The following IGSF11 variants were observed in gnomAD, a reference collection of about 807,000 sequenced individuals.
IGSF11 encodes CXADR like 1.
In IGSF11, 22 loss-of-function variants were observed where a neutral mutation model predicts 41.0. The observed-to-expected ratio is 0.54, with a 90% CI of 0.38 to 0.77. The LOEUF is 0.77. IGSF11 is among the 30% of genes least tolerant of loss of function. The pLI is 0.00. For missense variants in IGSF11, 444 were observed against 530.8 expected (o/e 0.84, Z 1.61); for synonymous variants, 219 against 201.3 (o/e 1.09, Z -0.74).
At chr3:119,056,763 G>T (rs1208387282) in intron 1 of IGSF11, among the ~76,000 whole-genome samples, 2 of 152,120 alleles carry the variant, frequency 1.3e-5, no homozygotes, top group African/African-American at 4.8e-5. Context: ...ACATCAAAAA[G>T]CTTATCCACC....
intron 1 of IGSF11, among the ~76,000 whole-genome samples, chr3:119,141,991 T>C (rs2077653340): frequency 6.6e-6 from 1 of 152,018 alleles, no homozygotes; most frequent in Non-Finnish European, 1.5e-5. Flanking sequence ...TCAAAAAGTT[T>C]CTGGCCGGGC....
At chr3:119,084,843 C>T (rs993370626) in intron 1 of IGSF11, among the ~76,000 whole-genome samples, 19 of 152,186 alleles carry the variant, frequency 1.2e-4, no homozygotes, top group African/African-American at 2.4e-5. Flanking sequence ...TCCTGGTGTT[C>T]CAGGGTTGTG....
chr3:119,044,738 C>A (rs1166465613), intron 1 of IGSF11, among the ~76,000 whole-genome samples: 1 of 152,122 alleles, frequency 6.6e-6, no homozygotes, highest in East Asian at 1.9e-4. Flanking sequence ...TCCTGCAAGC[C>A]AAAAGGATCT....
In IGSF11 at chr3:118,971,665, G is replaced by A. The variant is rs542629568; in HGVS notation, c.53-41390C>T. Among the ~76,000 whole-genome samples the A allele has an allele frequency of 4.6e-5, 7 of 152,108 alleles. 1 individual carries two copies. In the South Asian group the frequency reaches 6.2e-4, roughly 14 times the overall value. On this transcript the variant is annotated intron_variant, in intron 1 of 6. Transcript: ENST00000393775. ...TAAAAATACAAAAAATTAGCCAGGC[G>A]TGGTGGCAGGCACCTGTAATCCCTG... is the stretch of plus-strand genomic sequence containing the variant.
chr3:119,032,508 C>T (rs552774398), intron 1 of IGSF11, among the ~76,000 whole-genome samples: 2 of 152,172 alleles, frequency 1.3e-5, no homozygotes, highest in Non-Finnish European at 2.9e-5. Context: ...ATTCAAGATT[C>T]TCTACTATCT....
intron 1 of IGSF11, among the ~76,000 whole-genome samples, chr3:119,120,638 G>T (rs544576597): frequency 6.6e-6 from 1 of 152,190 alleles, no homozygotes; most frequent in Non-Finnish European, 1.5e-5. Context: ...CCCGTGAAAA[G>T]ATTGGCCTCC....
At chr3:118,965,098 CAG>C (rs1274408788) in intron 1 of IGSF11, among the ~76,000 whole-genome samples, 2 of 152,196 alleles carry the variant, frequency 1.3e-5, no homozygotes, top group East Asian at 3.9e-4. Context: ...TTTCTGGACA[CAG>C]AATCATTTAA....
At chr3:118,904,534 T>C in intron 6 of IGSF11, 114 bp downstream of exon 6, 1 of 772,060 alleles carries the variant, frequency 1.3e-6, no homozygotes, top group Non-Finnish European at 2.2e-6. Flanking sequence ...TTAGCCACTT[T>C]AATAGTCTCG....
At chr3:119,048,765 C>T (rs892568747) in intron 1 of IGSF11, among the ~76,000 whole-genome samples, 25 of 151,954 alleles carry the variant, frequency 1.6e-4, no homozygotes, top group African/African-American at 2.7e-4. Context: ...ACTGGCAAAC[C>T]GAATCCAGCA....
chr3:118,916,040 A>G (rs1254403624), intron 4 of IGSF11, among the ~76,000 whole-genome samples: 195 of 148,772 alleles, frequency 1.3e-3, no homozygotes, highest in African/African-American at 3.7e-3. Flanking sequence ...AAAATACTTT[A>G]CAGACAAGCA....
chr3:119,050,002 G>T (rs1941547038), intron 1 of IGSF11, among the ~76,000 whole-genome samples: 1 of 146,550 alleles, frequency 6.8e-6, no homozygotes, highest in African/African-American at 2.6e-5. Flanking sequence ...ATCAATTCAA[G>T]ATGGATTAAA....
At chr3:119,069,862 A>G (rs1576759959) in intron 1 of IGSF11, among the ~76,000 whole-genome samples, 2 of 152,218 alleles carry the variant, frequency 1.3e-5, no homozygotes, top group South Asian at 4.1e-4. Flanking sequence ...TCATGGCAAT[A>G]AAAACTGAGA....
chr3:119,143,066 T>C (rs2077671579), intron 1 of IGSF11, among the ~76,000 whole-genome samples: 1 of 152,150 alleles, frequency 6.6e-6, no homozygotes, highest in Non-Finnish European at 1.5e-5. Context: ...TCATCTATAG[T>C]AGGCCTGCCA....
At chr3:119,130,860 T>C (rs751996612) in intron 1 of IGSF11, among the ~76,000 whole-genome samples, 1 of 151,774 alleles carries the variant, frequency 6.6e-6, no homozygotes, top group Non-Finnish European at 1.5e-5. Flanking sequence ...CAATATTTGC[T>C]GTTCTGCAAT....
chr3:119,009,116 G>T (rs1463545602), intron 1 of IGSF11, among the ~76,000 whole-genome samples: 16 of 152,008 alleles, frequency 1.1e-4, no homozygotes, highest in Admixed American at 1.0e-3. Context: ...CACCATCTGA[G>T]CATGAAAAAG....
rs1351496919 is a variant in IGSF11, at chr3:118,987,227, T to C, written c.52+47304A>G. 5.9e-5 allele frequency among the ~76,000 whole-genome samples: 9 copies of C among 152,322 alleles called. No individual in the cohort carries two copies. The East Asian group carries it at 7.7e-4, about 13-fold the overall frequency. On this transcript the variant is annotated intron_variant, in intron 1 of 6. Coordinates refer to ENST00000393775, the MANE Select transcript of IGSF11 (RefSeq NM_001015887.3). ...TCTGCGAATGGAATGCAAAATAGAA[T>C]GCCTAACTAGAAAAGTGAGGCCAGA...
intron 1 of IGSF11, among the ~76,000 whole-genome samples, chr3:119,024,257 C>T (rs1402334082): frequency 2.0e-5 from 3 of 152,054 alleles, no homozygotes; most frequent in African/African-American, 2.4e-5. Context: ...AATTAGAAAG[C>T]ATCAAAAGTC....
intron 4 of IGSF11, among the ~76,000 whole-genome samples, chr3:118,917,463 A>C (rs1445064243): frequency 1.4e-5 from 2 of 145,956 alleles, no homozygotes; most frequent in Non-Finnish European, 3.0e-5. Context: ...CTACCATCAG[A>C]GAATACTACA....
Position 119,019,518 on chromosome 3 carries a change from T to C in IGSF11, c.52+15013A>G, listed in dbSNP as rs143092480. Among the ~76,000 whole-genome samples, 6 of 151,798 alleles carry C rather than the reference T, an allele frequency of 4.0e-5. 1 individual carries two copies. Among genetic ancestry groups the C allele is most frequent in the East Asian group, 1.9e-4 (1 of 5,164 alleles). The stretch of plus-strand genomic sequence containing the variant: ...CTTTTCAACAGCTCAGAGAAACTCT[T>C]GGTCTTTCAGATTTCTTTCCCCTTG... On this transcript the variant is annotated intron_variant, in intron 1 of 6. Transcript: ENST00000393775.
Sources: allele counts gnomAD v4.1 joint callset (sites outside exome capture counted in the v4.1 genomes callset), GRCh38; gene constraint gnomAD v4.1.1; transcripts MANE v1.5; gene names NCBI Gene and HGNC (gene_info 2026-07-23, HGNC 2026-07-21).